Variants in SEC14L6 observed in about 807,000 individuals in gnomAD.
SEC14L6 encodes SEC14 like lipid binding 6, also known as SEC14-like protein 6.
Under a neutral mutation model 54.1 loss-of-function variants are expected in SEC14L6, and 40 were observed. The ratio of observed to expected loss-of-function variants is 0.74; its 90% CI spans 0.57 to 0.96. SEC14L6 has a LOEUF of 0.96. Ranked by LOEUF, SEC14L6 falls within the 40% of genes least tolerant of loss-of-function variation. The probability of loss-of-function intolerance (pLI) is 0.00; values close to 1 mark genes in which losing one functional copy is unlikely to be tolerated. For synonymous variants in SEC14L6, 171 were observed against 198.4 expected (o/e 0.86, Z 1.16); for missense variants, 471 against 498.3 (o/e 0.95, Z 0.52).
intron 1 of SEC14L6, chr22:30,542,836 C>T: frequency 1.3e-6 from 2 of 1,596,248 alleles, no homozygotes; most frequent in Non-Finnish European, 8.6e-7. Flanking sequence ...CCACTTCCCC[C>T]GGGTAACAAC....
chr22:30,529,813 C>T (rs903786519), intron 6 of SEC14L6, among the ~76,000 whole-genome samples: 3 of 152,130 alleles, frequency 2.0e-5, no homozygotes, highest in Non-Finnish European at 1.5e-5. Context: ...ATCCCATTCA[C>T]GACTGTGGAA....
intron 2 of SEC14L6, among the ~76,000 whole-genome samples, chr22:30,538,335 C>CAAAA (rs112815330): frequency 3.2e-5 from 3 of 92,870 alleles, no homozygotes; most frequent in Admixed American, 1.1e-4. Context: ...TCCGTCTCAA[C>CAAAA]AAAAAAAAAA....
chr22:30,541,018 C>CA (rs11443760), intron 1 of SEC14L6, among the ~76,000 whole-genome samples: 104,534 of 142,714 alleles, frequency 0.73, 37,907 homozygotes, highest in Middle Eastern at 0.83. Flanking sequence ...GACTACATCT[C>CA]AAAAAAAAAA....
chr22:30,525,376 A>C lies in SEC14L6; in HGVS notation c.1055T>G (p.Ile352Ser), dbSNP rs545275660. Reference sequence around the variant, plus strand: ...GCTGCCGGCCTGGAGGCAGGTGAGAATCCCATCTTCAGGCACCATGTGGGC... The same window carrying C: ...GCTGCCGGCCTGGAGGCAGGTGAGACTCCCATCTTCAGGCACCATGTGGGC... ...YNAHMVPEDG[I>S]LTCLQAGSYV... Residue 352 changes from isoleucine (I) to serine (S), a missense_variant, in exon 11 of 12, where the codon ATT becomes AGT. By Grantham distance (142) the Ile-to-Ser change is moderately radical (BLOSUM62 -2). Coordinates refer to ENST00000402034, the MANE Select transcript of SEC14L6 (RefSeq NM_001193336.4). 118 of 1,614,038 alleles carry C rather than the reference A, an allele frequency of 7.3e-5. No individual in the cohort carries two copies. The highest frequency in any genetic ancestry group is 9.4e-5 in the Non-Finnish European group (111 of 1,180,022).
chr22:30,534,537 G>A (rs1017372938), intron 2 of SEC14L6, among the ~76,000 whole-genome samples: 1 of 151,626 alleles, frequency 6.6e-6, no homozygotes, highest in African/African-American at 2.4e-5. Context: ...TCAGTCTCCT[G>A]AGTAGCTGAG....
intron 2 of SEC14L6, among the ~76,000 whole-genome samples, chr22:30,537,640 G>C (rs972092111): frequency 6.6e-6 from 1 of 152,090 alleles, no homozygotes; most frequent in Non-Finnish European, 1.5e-5. Flanking sequence ...TTCCCTAACA[G>C]GCCAATTACA....
chr22:30,542,880 CT>C, intron 1 of SEC14L6: 1 of 1,600,534 alleles, frequency 6.2e-7, no homozygotes, highest in South Asian at 1.1e-5. Context: ...CCAACATGGA[CT>C]TTTCCATCTG....
At chr22:30,526,181 C>T (rs1428128056) in intron 8 of SEC14L6, among the ~76,000 whole-genome samples, 1 of 152,244 alleles carries the variant, frequency 6.6e-6, no homozygotes, top group East Asian at 1.9e-4. Context: ...ACTGCCCCTG[C>T]AGGCCCTGCC....
At chr22:30,533,598 C>CAA (rs11305814) in intron 3 of SEC14L6, among the ~76,000 whole-genome samples, 1 of 144,674 alleles carries the variant, frequency 6.9e-6, no homozygotes, top group African/African-American at 2.5e-5. Context: ...AAGACTGTCT[C>CAA]AAAAAAAAAA....
chr22:30,529,258 A>G lies in SEC14L6; in HGVS notation c.580+31T>C, dbSNP rs968325760. 9.0e-6 allele frequency: 14 copies of G among 1,548,200 alleles called. No homozygotes were observed. In the African/African-American group the frequency reaches 1.2e-4, roughly 14 times the overall value. On this transcript the variant is annotated intron_variant, in intron 7 of 11. Coordinates refer to ENST00000402034, the MANE Select transcript of SEC14L6 (RefSeq NM_001193336.4). ...TCACCGCACATCCCCTGTCCCCCCA[A>G]CTCATGCATATCCTGGGCTGCTTTA...
chr22:30,544,627 C>T (rs1374661315), intron 1 of SEC14L6, among the ~76,000 whole-genome samples: 3 of 152,280 alleles, frequency 2.0e-5, no homozygotes, highest in Non-Finnish European at 2.9e-5. Flanking sequence ...CTGGCCTCCC[C>T]CATCCCTAGG....
intron 1 of SEC14L6, chr22:30,542,625 G>C: frequency 6.5e-7 from 1 of 1,538,090 alleles, no homozygotes; most frequent in Non-Finnish European, 8.8e-7. Flanking sequence ...TCTGCCTGCT[G>C]CTCCCCGCGT....
intron 8 of SEC14L6, among the ~76,000 whole-genome samples, chr22:30,526,529 C>A (rs11705147): frequency 6.6e-6 from 1 of 152,062 alleles, no homozygotes; most frequent in Non-Finnish European, 1.5e-5. Context: ...AGCATGAAAG[C>A]GGTGGAAAAA....
rs141685013 is a variant in SEC14L6 at position 30,538,871 on chromosome 22, G to A, written c.86C>T (p.Ala29Val). The change falls in exon 2 of 12, where the codon GCG (alanine) becomes GTG (valine). Residue 29 changes from alanine (A) to valine (V), a missense_variant. Physicochemically the swap from Ala to Val is moderately conservative, Grantham distance 64 (BLOSUM62 0). Coordinates refer to ENST00000402034, the MANE Select transcript of SEC14L6 (RefSeq NM_001193336.4). ...GAAGTAGTCATCAGGATTGGGCAGC[G>A]CAGATAGCACATCTTGGATGTTCTC... is the stretch of plus-strand genomic sequence containing the variant. ...FRENIQDVLS[A>V]LPNPDDYFLL... 5.9e-5 allele frequency: 92 copies of A among 1,556,616 alleles called. 1 individual carries two copies. In the Admixed American group the frequency reaches 6.0e-4, roughly 10 times the overall value.
In SEC14L6 at chr22:30,539,701, TC is replaced by T. The variant is rs1430495255; in HGVS notation, c.55-800del. Among the ~76,000 whole-genome samples the T allele has an allele frequency of 4.6e-5, 7 of 152,346 alleles. No homozygotes were observed. The East Asian group carries it at 1.4e-3, about 29-fold the overall frequency. On this transcript the variant is annotated intron_variant, in intron 1 of 11. Coordinates refer to ENST00000402034, the MANE Select transcript of SEC14L6 (RefSeq NM_001193336.4). The stretch of plus-strand genomic sequence containing the variant: ...CTTAATTTTGTCTTTGACCGTTCCC[TC>T]CCACACTTAAGCAGGGCTGAGCTGT...
chr22:30,524,258 T>C lies in SEC14L6; in HGVS notation c.*739A>G, dbSNP rs1314033321. ...ATGCCTCCCTGGGGACCCCTCCTCT[T>C]CCCCCTATGGCACAGCGGCCCCTCC... On this transcript the variant is annotated 3_prime_UTR_variant, in exon 12 of 12. Transcript: ENST00000402034. 2 of 152,236 alleles carry C rather than the reference T, an allele frequency of 1.3e-5. No homozygotes were observed. 9.4% of individuals were successfully genotyped at this position (152,236 alleles called of 1,614,324 possible).
At chr22:30,531,437 A>T (rs1425340453) in intron 6 of SEC14L6, among the ~76,000 whole-genome samples, 4 of 151,296 alleles carry the variant, frequency 2.6e-5, no homozygotes, top group Non-Finnish European at 5.9e-5. Context: ...AAAGAAAAAA[A>T]AAACGGGCCA....
At chr22:30,531,612 T>A (rs1272430054) in intron 6 of SEC14L6, among the ~76,000 whole-genome samples, 3 of 152,088 alleles carry the variant, frequency 2.0e-5, no homozygotes, top group Non-Finnish European at 4.4e-5. Flanking sequence ...CAATCGCAGC[T>A]ACTCGGGAGG....
intron 3 of SEC14L6, chr22:30,533,071 AG>A (rs761934382): frequency 1.8e-5 from 18 of 985,254 alleles, no homozygotes; most frequent in African/African-American, 3.5e-5. Flanking sequence ...AGAAAGGGAC[AG>A]GGGAGGCCTG....
Sources: gnomAD v4.1 joint callset for allele counts (sites outside exome capture counted in the v4.1 genomes callset) on GRCh38, gnomAD v4.1.1 for gene constraint, MANE v1.5 for transcripts, NCBI Gene and HGNC (gene_info 2026-07-23, HGNC 2026-07-21) for gene names.